PPIA: variants seen among roughly 807,000 people sequenced by gnomAD.
PPIA encodes the protein peptidylprolyl isomerase A, also known as peptidyl-prolyl cis-trans isomerase A.
A neutral mutation model predicts 15.3 loss-of-function variants in PPIA; 2 were observed. That is an observed-to-expected ratio of 0.13 (90% CI 0.05 to 0.41). The LOEUF (loss-of-function observed/expected upper bound fraction) is 0.41. Ranked by LOEUF, PPIA falls within the 10% of genes least tolerant of loss-of-function variation. PPIA has a pLI of 0.99. For missense variants in PPIA, 103 were observed against 210.3 expected (o/e 0.49, Z 3.16); for synonymous variants, 67 against 73.1 (o/e 0.92, Z 0.43).
chr7:44,801,859 G>C lies in PPIA; in HGVS notation c.*437G>C. 5.8e-6 allele frequency: 1 copy of C among 172,628 alleles called. No homozygotes were observed. Among genetic ancestry groups the C allele is most frequent in the South Asian group, 1.3e-4 (1 of 7,684 alleles). The allele number at this position is 172,628 out of a possible 1,614,324, so 10.7% of individuals were successfully genotyped here. A position where few individuals can be genotyped will look rare whatever the true frequency, so the allele number is the denominator to read the frequency against. On this transcript the variant is annotated 3_prime_UTR_variant, in exon 5 of 5. Transcript: ENST00000468812. Reference sequence around the variant, plus strand: ...TTACCTGAGGCAGAAGACCACCTGAGGGTAGGAGTCAAGATCAGCCTGGGC... The same window carrying C: ...TTACCTGAGGCAGAAGACCACCTGACGGTAGGAGTCAAGATCAGCCTGGGC...
intron 3 of PPIA, 44 bp from the exon 4 acceptor site, chr7:44,799,658 A>G (rs1218169991): frequency 1.9e-6 from 3 of 1,611,460 alleles, no homozygotes; most frequent in Non-Finnish European, 2.5e-6. Context: ...GGCACACTTC[A>G]TGGTTATGTT....
intron 1 of PPIA, among the ~76,000 whole-genome samples, chr7:44,797,244 C>G (rs528122210): frequency 6.6e-6 from 1 of 152,142 alleles, no homozygotes; most frequent in East Asian, 1.9e-4. Context: ...TGCTTTACAT[C>G]CTGAGCTGGG....
rs1390417472 is a variant in PPIA at position 44,802,480 on chromosome 7, CTG to C, written c.*1060_*1061del. On this transcript the variant is annotated 3_prime_UTR_variant, in exon 5 of 5. Transcript: ENST00000468812. Reference sequence around the variant, plus strand: ...TCTGTAACAAAGCTAAGCTTGAACACTGTTGATGTTCTTGAGGGAAGCATATT... The same window carrying C: ...TCTGTAACAAAGCTAAGCTTGAACACTTGATGTTCTTGAGGGAAGCATATT... The C allele has an allele frequency of 2.6e-5, 4 of 152,118 alleles. No homozygotes were observed. Among genetic ancestry groups the C allele is most frequent in the Admixed American group, 6.6e-5 (1 of 15,236 alleles). 9.4% of individuals were successfully genotyped at this position (152,118 alleles called of 1,614,324 possible).
At position 44,799,367 on chromosome 7, in the gene PPIA, A is replaced by G. The variant is rs766250979; in HGVS notation, c.101-25A>G. On this transcript the variant is annotated intron_variant, in intron 2 of 4. Transcript: ENST00000468812. ...TATATATATTTTTATGTATGTATAT[A>G]TGTGTTTAATTTTTTTTTAAACAGA... 12 of 1,606,166 alleles carry G rather than the reference A, an allele frequency of 7.5e-6. No homozygotes were observed. The African/African-American group carries it at 1.3e-4, about 18-fold the overall frequency.
At position 44,799,881 on chromosome 7, in the gene PPIA, G is replaced by C; in HGVS notation, c.362+7G>C. ...GCACTGCCAAGACTGAGTGGTAAGG[G>C]TACAACATGGCACACTAACCACCTG... On this transcript the variant is annotated splice_region_variant and intron_variant, in intron 4 of 4. Transcript: ENST00000468812. The C allele has an allele frequency of 6.2e-7, 1 of 1,608,450 alleles. No individual in the cohort carries two copies. Among genetic ancestry groups the C allele is most frequent in the Non-Finnish European group, 8.5e-7 (1 of 1,179,624 alleles).
rs532505886 is a variant in PPIA, at chr7:44,796,718, A to G, written c.-7A>G. ...CCACCGCCGAGGAAAACCGTGTACT[A>G]TTAGCCATGGTCAACCCCACCGTGT... On this transcript the variant is annotated 5_prime_UTR_variant, in exon 1 of 5. Transcript: ENST00000468812. 8.9e-5 allele frequency: 143 copies of G among 1,610,368 alleles called. 5 individuals carry two copies. The South Asian group carries it at 9.2e-4, about 10-fold the overall frequency.
chr7:44,799,633 G>T (rs1562771217), intron 3 of PPIA, 69 bp from the exon 4 acceptor site: 1 of 1,601,450 alleles, frequency 6.2e-7, no homozygotes. Context: ...TTTAAAGTTT[G>T]AACCTTGCAG....
At chr7:44,799,199 A>C in intron 1 of PPIA, 48 bp from the exon 2 acceptor site, 1 of 1,594,936 alleles carries the variant, frequency 6.3e-7, no homozygotes, top group Non-Finnish European at 8.6e-7. Context: ...CATGGGTACT[A>C]AGCAACAAAA....
At chr7:44,799,985 C>G in intron 4 of PPIA, 111 bp downstream of exon 4, 2 of 1,090,844 alleles carry the variant, frequency 1.8e-6, no homozygotes, top group Non-Finnish European at 2.7e-6. Flanking sequence ...ACTTTTTCAT[C>G]CCTAAGATAC....
In PPIA at chr7:44,801,262, ATAG is replaced by A. The variant is rs1562772673; in HGVS notation, c.363-23_363-21del. The stretch of plus-strand genomic sequence containing the variant: ...GGCTGCTTGTTTGTGGTTGCCAGTC[ATAG>A]TGATTGTTCTTCCTTTTCAAGGTTG... On this transcript the variant is annotated intron_variant, in intron 4 of 4. Transcript: ENST00000468812. 3.1e-6 allele frequency: 5 copies of A among 1,611,598 alleles called. No homozygotes were observed. The Admixed American group carries it at 5.0e-5, about 16-fold the overall frequency.
chr7:44,799,574 C>G (rs958133235), intron 3 of PPIA, 94 bp downstream of exon 3: 4 of 1,568,858 alleles, frequency 2.5e-6, no homozygotes, highest in Admixed American at 1.7e-5. Flanking sequence ...TGAACTGTTA[C>G]TCTACCATTT....
chr7:44,796,784 C>T lies in PPIA; in HGVS notation c.60C>T (p.Val20=), dbSNP rs199576292. The T allele has an allele frequency of 1.2e-6, 2 of 1,608,486 alleles. No individual in the cohort carries two copies. Among genetic ancestry groups the T allele is most frequent in the South Asian group, 2.2e-5 (2 of 90,936 alleles). ...TCGACGGCGAGCCCTTGGGCCGCGTCTCCTTTGAGGTCGGGCGGGCGGCGG... is the reference window on the plus strand; with the variant it reads ...TCGACGGCGAGCCCTTGGGCCGCGTTTCCTTTGAGGTCGGGCGGGCGGCGG... ...IAVDGEPLGR[V]SFELFADKVP... The change falls in exon 1 of 5, where the codon GTC becomes GTT. Residue 20 remains valine, a synonymous_variant. Coordinates refer to ENST00000468812, the MANE Select transcript of PPIA (RefSeq NM_021130.5).
At chr7:44,800,399 T>C (rs1792512465) in intron 4 of PPIA, 1 of 19,328 alleles carries the variant, frequency 5.2e-5, no homozygotes. Flanking sequence ...AATTAAGTGC[T>C]TTTTTTTTTT....
At chr7:44,799,307 T>C (rs1401552002) in intron 2 of PPIA, 30 bp downstream of exon 2, 2 of 1,612,660 alleles carry the variant, frequency 1.2e-6, no homozygotes, top group African/African-American at 1.3e-5. Flanking sequence ...TTAACAAAGA[T>C]GTTCCAATTG....
At chr7:44,800,397 G>GTTTT (rs139479853) in intron 4 of PPIA, 37 of 90,962 alleles carry the variant, frequency 4.1e-4, no homozygotes, top group Non-Finnish European at 7.3e-4. Context: ...CCAATTAAGT[G>GTTTT]CTTTTTTTTT....
intron 1 of PPIA, chr7:44,798,955 A>G (rs1054754477): frequency 1.6e-5 from 18 of 1,159,264 alleles, no homozygotes; most frequent in South Asian, 8.7e-5. Context: ...AAGAAGCCAT[A>G]TATCTTTTCA....
chr7:44,799,572 T>TAA, intron 3 of PPIA, 92 bp downstream of exon 3: 1 of 1,569,952 alleles, frequency 6.4e-7, no homozygotes, highest in Non-Finnish European at 8.7e-7. Context: ...TCTGAACTGT[T>TAA]ACTCTACCAT....
intron 1 of PPIA, chr7:44,797,977 C>G (rs1412877923): frequency 6.6e-6 from 1 of 152,180 alleles, no homozygotes; most frequent in African/African-American, 2.4e-5. Flanking sequence ...AATCCACACC[C>G]CACCCCACCT....
chr7:44,799,318 T>C (rs773757813), intron 2 of PPIA, 41 bp downstream of exon 2: 3 of 1,610,830 alleles, frequency 1.9e-6, no homozygotes, highest in Admixed American at 1.7e-5. Context: ...GTTCCAATTG[T>C]GACAGTTTGT....
Sources: gnomAD v4.1 joint callset for allele counts (sites outside exome capture counted in the v4.1 genomes callset) on GRCh38, gnomAD v4.1.1 for gene constraint, MANE v1.5 for transcripts, NCBI Gene and HGNC (gene_info 2026-07-23, HGNC 2026-07-21) for gene names.